CPSF1: variants seen among roughly 807,000 people sequenced by gnomAD.
The protein encoded by CPSF1 is cleavage and polyadenylation specific factor 1.
In CPSF1, 106 loss-of-function variants were observed where a neutral mutation model predicts 175.8. That is an observed-to-expected ratio of 0.60 (90% CI 0.52 to 0.71). The LOEUF (loss-of-function observed/expected upper bound fraction) is 0.71. CPSF1 is among the 30% of genes least tolerant of loss of function. The probability of loss-of-function intolerance (pLI) is 0.00; values close to 1 mark genes in which losing one functional copy is unlikely to be tolerated. For synonymous variants in CPSF1, 1,024 were observed against 858.3 expected, an observed-to-expected ratio of 1.19 and a Z score of -3.37; for missense variants, 1,734 against 2,022.9, an observed-to-expected ratio of 0.86 and a Z score of 2.74.
At position 144,399,355 on chromosome 8, in the gene CPSF1, G is replaced by A. The variant is rs2116861650; in HGVS notation, c.1313C>T (p.Pro438Leu). 51 of 1,612,588 alleles carry A rather than the reference G, an allele frequency of 3.2e-5. 1 individual carries two copies. In the South Asian group the frequency reaches 3.3e-4, roughly 10 times the overall value. Residue 438 changes from proline to leucine, a missense_variant, in exon 14 of 38, where the codon CCG (proline) becomes CTG (leucine). This residue lies in a region of CPSF1 where 6 missense variants were observed against 21.9 expected (regional missense o/e 0.27). Transcript: ENST00000616140. This position sits in a 1 kb window ranked among gnomAD's most constrained non-coding sequence, Gnocchi z 6.4. Reference sequence around the variant, plus strand: ...TTCAATCTCGTCCACCTCATCCTGCGGCACCGACTTACCCGCAGCTGCACA... The same window carrying A: ...TTCAATCTCGTCCACCTCATCCTGCAGCACCGACTTACCCGCAGCTGCACA... ...AGWSAAGKSV[P>L]QDEVDEIEVY...
At position 144,399,803 on chromosome 8, in the gene CPSF1, G is replaced by C; in HGVS notation, c.1097C>G (p.Ala366Gly). Residue 366 changes from alanine to glycine, a missense_variant, in exon 11 of 38, where the codon GCC becomes GGC. Around this residue, in one of 10 missense-constraint regions of CPSF1, gnomAD observed 162 missense variants for 169.5 expected, o/e 0.96. Transcript: ENST00000616140. The surrounding 1 kb of genome is among the most constrained non-coding windows in gnomAD (Gnocchi z 6.4). Reference protein sequence around the residue: ...SVRAFHFDKAAASVLTTSMVT... With the variant: ...SVRAFHFDKAGASVLTTSMVT... ...CACGCTGGTGGTGAGGACGCTGGCG[G>C]CCGCCTTGTCAAAGTGGAACGCTCG... 4 of 1,563,246 alleles carry C rather than the reference G, an allele frequency of 2.6e-6. No individual in the cohort carries two copies. Among genetic ancestry groups the C allele is most frequent in the Non-Finnish European group, 3.5e-6 (4 of 1,154,266 alleles).
In CPSF1 at chr8:144,399,479, G is replaced by A. The variant is rs1406664070; in HGVS notation, c.1267C>T (p.Arg423Ter). Residue 423 changes from arginine (R) to a stop codon, truncating the protein, a stop_gained, in exon 13 of 38, where the codon CGA becomes TGA. Transcript: ENST00000616140. LOFTEE classifies it high-confidence loss of function. This position sits in a 1 kb window ranked among gnomAD's most constrained non-coding sequence, Gnocchi z 6.4. ...DKEEPPSKKK[R>*]VDATAGWSAA... is the part of the protein sequence containing the mutation. The stretch of plus-strand genomic sequence containing the variant: ...GACCAGCCGGCCGTCGCATCCACTC[G>A]CTTCTTCTTTGAGGGAGGCTCTTCC... The A allele has an allele frequency of 2.5e-6, 4 of 1,612,924 alleles. No homozygotes were observed. The highest frequency in any genetic ancestry group is 1.7e-5 in the Admixed American group (1 of 59,972).
In CPSF1 at chr8:144,393,607, C is replaced by T; in HGVS notation, c.4146-17G>A. 1.3e-6 allele frequency: 2 copies of T among 1,598,850 alleles called. No individual in the cohort carries two copies. Among genetic ancestry groups the T allele is most frequent in the Non-Finnish European group, 8.5e-7 (1 of 1,176,664 alleles). ...TGCAGCATCCTGGGGCGTACAGGCACAGGTGTCAGGGCAGGCTGGGGTGGA... is the reference window on the plus strand; with the variant it reads ...TGCAGCATCCTGGGGCGTACAGGCATAGGTGTCAGGGCAGGCTGGGGTGGA... On this transcript the variant is annotated splice_polypyrimidine_tract_variant and intron_variant, in intron 36 of 37. Coordinates refer to ENST00000616140, the MANE Select transcript of CPSF1 (RefSeq NM_013291.3).
intron 2 of CPSF1, among the ~76,000 whole-genome samples, chr8:144,402,449 T>C (rs1356218554): frequency 3.3e-5 from 5 of 152,210 alleles, no homozygotes; most frequent in African/African-American, 1.2e-4. Context: ...GGATTACAGG[T>C]GCGTGCCACC....
intron 28 of CPSF1, 29 bp from the exon 29 acceptor site, chr8:144,395,211 T>C: frequency 6.2e-7 from 1 of 1,612,526 alleles, no homozygotes; most frequent in South Asian, 1.1e-5. Context: ...ACAGTCAGAG[T>C]AGGGCTTCCC....
intron 7 of CPSF1, 61 bp downstream of exon 7, chr8:144,400,610 C>T: frequency 6.3e-7 from 1 of 1,594,512 alleles, no homozygotes; most frequent in Non-Finnish European, 8.5e-7. Flanking sequence ...CCATGGGCCC[C>T]ACCCCAGGCA....
rs2116881101 is a variant in CPSF1 at position 144,401,065 on chromosome 8, A to C, written c.398T>G (p.Val133Gly). Reference protein sequence around the residue: ...FEEPELRDGFVQNVHTPRVRV... With the variant: ...FEEPELRDGFGQNVHTPRVRV... ...CACTCGCGGCGTGTGTACATTCTGC[A>C]CAAACCCGTCCTGGGGGCAGAGGGG... The change falls in exon 6 of 38, where the codon GTG becomes GGG. Residue 133 changes from valine (V) to glycine (G), a missense_variant. Coordinates refer to ENST00000616140, the MANE Select transcript of CPSF1 (RefSeq NM_013291.3). 1 of 1,606,796 alleles carries C rather than the reference A, an allele frequency of 6.2e-7. No homozygotes were observed.
rs782584787 is a variant in CPSF1 at position 144,394,970 on chromosome 8, C to T, written c.3326G>A (p.Arg1109His). 4.3e-6 allele frequency: 7 copies of T among 1,612,820 alleles called. No individual in the cohort carries two copies. The highest frequency in any genetic ancestry group is 1.7e-5 in the Admixed American group (1 of 59,998). The stretch of plus-strand genomic sequence containing the variant: ...GAGGCCCGACACGGTCTCCTCACTG[C>T]GCAGAGACACTGTCTTCATGCAGGT... ...HVTCMKTVSL[R>H]SEETVSGLKG... Residue 1109 changes from arginine (R) to histidine (H), a missense_variant, in exon 30 of 38, where the codon CGC becomes CAC. Transcript: ENST00000616140.
chr8:144,397,094 G>T, intron 23 of CPSF1, 113 bp downstream of exon 23: 1 of 1,108,634 alleles, frequency 9.0e-7, no homozygotes, highest in Admixed American at 2.3e-5. Context: ...GCCACGGGAA[G>T]GGGCGGGGCC....
In CPSF1 at chr8:144,399,619, G is replaced by A. The variant is rs145165820; in HGVS notation, c.1211C>T (p.Pro404Leu). Residue 404 changes from proline to leucine, a missense_variant, in exon 12 of 38, where the codon CCG becomes CTG. Coordinates refer to ENST00000616140, the MANE Select transcript of CPSF1 (RefSeq NM_013291.3). This position sits in a 1 kb window ranked among gnomAD's most constrained non-coding sequence, Gnocchi z 6.4. Reference protein sequence around the residue: ...LKYTEKLQEPPASAVREAADK... With the variant: ...LKYTEKLQEPLASAVREAADK... ...GGCAGCCTCACGGACAGCACTGGCCGGGGGCTCCTGCAGCTTCTCCGTGTA... is the reference window on the plus strand; with the variant it reads ...GGCAGCCTCACGGACAGCACTGGCCAGGGGCTCCTGCAGCTTCTCCGTGTA... The A allele has an allele frequency of 4.0e-5, 65 of 1,610,124 alleles. No individual in the cohort carries two copies. The highest frequency in any genetic ancestry group is 3.2e-4 in the African/African-American group (24 of 74,986).
chr8:144,398,939 C>A lies in CPSF1; in HGVS notation c.1548+19G>T, dbSNP rs2116856485. The A allele has an allele frequency of 6.2e-7, 1 of 1,612,674 alleles. No homozygotes were observed. The highest frequency in any genetic ancestry group is 8.5e-7 in the Non-Finnish European group (1 of 1,179,716). On this transcript the variant is annotated intron_variant, in intron 16 of 37. Coordinates refer to ENST00000616140, the MANE Select transcript of CPSF1 (RefSeq NM_013291.3). Reference sequence around the variant, plus strand: ...CCAGGTCCCACCAGGAGGCGCCCGCCCCCTACCTGCCCACACACCTGCAGC... The same window carrying A: ...CCAGGTCCCACCAGGAGGCGCCCGCACCCTACCTGCCCACACACCTGCAGC...
rs141140965 is a variant in CPSF1 at position 144,400,144 on chromosome 8, G to T, written c.937+22C>A. ...CCCAAGCCGTCCCCGGGCCCCCCCC[G>T]CCCCAGCCACCCCACACTCACGAAG... is the stretch of plus-strand genomic sequence containing the variant. On this transcript the variant is annotated intron_variant, in intron 9 of 37. Transcript: ENST00000616140. The T allele has an allele frequency of 2.8e-4, 302 of 1,070,480 alleles. 25 individuals are homozygous for T. The African/African-American group carries it at 5.1e-3, about 18-fold the overall frequency. The allele number at this position is 1,070,480 out of a possible 1,614,324, so 66.3% of individuals were successfully genotyped here. A position where few individuals can be genotyped will look rare whatever the true frequency, so the allele number is the denominator to read the frequency against.
intron 2 of CPSF1, among the ~76,000 whole-genome samples, chr8:144,406,032 T>C (rs1265936589): frequency 6.6e-6 from 1 of 152,154 alleles, no homozygotes; most frequent in Non-Finnish European, 1.5e-5. Context: ...GCGATTATGA[T>C]AAAAGACCTC....
chr8:144,403,601 G>A (rs1821339599), intron 2 of CPSF1, among the ~76,000 whole-genome samples: 1 of 151,798 alleles, frequency 6.6e-6, no homozygotes, highest in African/African-American at 2.4e-5. Flanking sequence ...CACCCAGGCT[G>A]GAGGGCAGTA....
In CPSF1 at chr8:144,399,307, G is replaced by A. The variant is rs2116861229; in HGVS notation, c.1361C>T (p.Ser454Leu). 5 of 1,612,160 alleles carry A rather than the reference G, an allele frequency of 3.1e-6. No homozygotes were observed. The highest frequency in any genetic ancestry group is 4.2e-6 in the Non-Finnish European group (5 of 1,179,996). ...GGAGTAGGTGGCCAGCTGTGTTCCC[G>A]ACTGGGCCTCGCTGCCGTACACTTC... is the stretch of plus-strand genomic sequence containing the variant. ...EIEVYGSEAQSGTQLATYSFE... is the reference protein window; with the variant it reads ...EIEVYGSEAQLGTQLATYSFE... The change falls in exon 14 of 38, where the codon TCG (serine) becomes TTG (leucine). Residue 454 changes from serine (S) to leucine (L), a missense_variant. Physicochemically the swap from Ser to Leu is moderately radical, Grantham distance 145. Transcript: ENST00000616140. This position sits in a 1 kb window ranked among gnomAD's most constrained non-coding sequence, Gnocchi z 6.4.
chr8:144,404,340 T>C lies in CPSF1; in HGVS notation c.145-2667A>G, dbSNP rs2116897700. 2.0e-5 allele frequency among the ~76,000 whole-genome samples: 3 copies of C among 152,168 alleles called. No individual in the cohort carries two copies. In the South Asian group the frequency reaches 6.2e-4, roughly 32 times the overall value. The stretch of plus-strand genomic sequence containing the variant: ...GAGATCAACTGCACTTCTGTGTACA[T>C]GCAAGAAACAGGGGTAACCACTCAG... On this transcript the variant is annotated intron_variant, in intron 2 of 37. Coordinates refer to ENST00000616140, the MANE Select transcript of CPSF1 (RefSeq NM_013291.3).
Position 144,393,895 on chromosome 8 carries a change from T to C in CPSF1, c.4003A>G (p.Ile1335Val). 1.2e-6 allele frequency: 2 copies of C among 1,611,684 alleles called. No homozygotes were observed. Among genetic ancestry groups the C allele is most frequent in the African/African-American group, 1.3e-5 (1 of 74,892 alleles). ...KKSVVWENKHITWFATLDGGI... is the reference protein window; with the variant it reads ...KKSVVWENKHVTWFATLDGGI... ...CCCCCACACTCACCAAACCACGTGATGTGCTTATTCTCCCACACGACCGAC... is the reference window on the plus strand; with the variant it reads ...CCCCCACACTCACCAAACCACGTGACGTGCTTATTCTCCCACACGACCGAC... Residue 1335 changes from isoleucine to valine, a missense_variant, in exon 35 of 38, where the codon ATC becomes GTC. By Grantham distance (29) the Ile-to-Val change is conservative. Coordinates refer to ENST00000616140, the MANE Select transcript of CPSF1 (RefSeq NM_013291.3).
At chr8:144,408,212 TC>T (rs1564700639) in intron 2 of CPSF1, among the ~76,000 whole-genome samples, 1 of 151,982 alleles carries the variant, frequency 6.6e-6, no homozygotes, top group Non-Finnish European at 1.5e-5. Flanking sequence ...CACCACCACA[TC>T]CAGTCTATAC....
intron 30 of CPSF1, 33 bp downstream of exon 30, chr8:144,394,849 G>A (rs1344926239): frequency 5.6e-6 from 9 of 1,611,878 alleles, no homozygotes; most frequent in Non-Finnish European, 7.6e-6. Context: ...CAGAGGGGCT[G>A]CCAGTTCCCG....
Sources: gnomAD v4.1 joint callset for allele counts (sites outside exome capture counted in the v4.1 genomes callset) on GRCh38, gnomAD v4.1.1 for gene constraint, gnomAD v4.1.1 regional missense constraint, Gnocchi (gnomAD v3.1) non-coding constraint, MANE v1.5 for transcripts, NCBI Gene and HGNC (gene_info 2026-07-23, HGNC 2026-07-21) for gene names.